The following ANKFN1 variants were observed in gnomAD, a reference collection of about 807,000 sequenced individuals.
ANKFN1 encodes ankyrin repeat and fibronectin type-III domain-containing protein 1.
A neutral mutation model predicts 108.7 loss-of-function variants in ANKFN1; 74 were observed. The observed-to-expected ratio is 0.68, with a 90% CI of 0.56 to 0.83. ANKFN1 has a LOEUF of 0.83. Ranked by LOEUF, ANKFN1 falls within the 40% of genes least tolerant of loss-of-function variation. ANKFN1 has a pLI of 0.00. For synonymous variants in ANKFN1, 547 were observed against 516.2 expected, an observed-to-expected ratio of 1.06 and a Z score of -0.81; for missense variants, 1,505 against 1,382.3, an observed-to-expected ratio of 1.09 and a Z score of -1.41.
intron 4 of ANKFN1, among the ~76,000 whole-genome samples, chr17:56,349,559 T>C (rs1282055768): frequency 6.6e-6 from 1 of 152,096 alleles, no homozygotes; most frequent in Non-Finnish European, 1.5e-5. Flanking sequence ...TTAAATATAA[T>C]AGACTCTCAT....
At chr17:56,093,297 C>T (rs1259279225) in intron 4 of ANKFN1, among the ~76,000 whole-genome samples, 1 of 151,010 alleles carries the variant, frequency 6.6e-6, no homozygotes, top group Non-Finnish European at 1.5e-5. Context: ...GGATGTGGGC[C>T]ATGGTGTCAG....
chr17:56,254,719 G>A (rs1171977894), intron 3 of ANKFN1, among the ~76,000 whole-genome samples: 1 of 152,144 alleles, frequency 6.6e-6, no homozygotes, highest in African/African-American at 2.4e-5. Context: ...GCCACTCTTG[G>A]ATGGAACTTT....
At chr17:56,169,237 C>T (rs915470283) in intron 1 of ANKFN1, among the ~76,000 whole-genome samples, 2 of 152,106 alleles carry the variant, frequency 1.3e-5, no homozygotes, top group African/African-American at 4.8e-5. Flanking sequence ...ATTTAATTTC[C>T]ATTAGAGAAC....
At chr17:56,229,697 G>C (rs1365895452) in intron 3 of ANKFN1, among the ~76,000 whole-genome samples, 1 of 148,152 alleles carries the variant, frequency 6.7e-6, no homozygotes, top group Non-Finnish European at 1.5e-5. Flanking sequence ...AAGGGGGGTT[G>C]GGGGGTGGCT....
chr17:56,233,863 T>C (rs1916917519), intron 3 of ANKFN1, among the ~76,000 whole-genome samples: 1 of 152,124 alleles, frequency 6.6e-6, no homozygotes. Flanking sequence ...TATATGTTAA[T>C]GAGTAAGACA....
chr17:56,170,803 T>TACACAC (rs1160259097), intron 1 of ANKFN1, among the ~76,000 whole-genome samples: 22 of 68,054 alleles, frequency 3.2e-4, no homozygotes, highest in East Asian at 9.9e-4. Context: ...TATATATATA[T>TACACAC]ATATACACAC....
At position 56,256,483 on chromosome 17, in the gene ANKFN1, CAGA is replaced by C. The variant is rs751649102; in HGVS notation, c.53+28536_53+28538del. Among the ~76,000 whole-genome samples the C allele has an allele frequency of 2.2e-4, 34 of 152,152 alleles. No homozygotes were observed. The East Asian group carries it at 6.0e-3, about 27-fold the overall frequency. On this transcript the variant is annotated intron_variant, in intron 3 of 20. Coordinates refer to ENST00000682825, the MANE Select transcript of ANKFN1 (RefSeq NM_001370326.1). ...GGGTTGTGAAACCTGGAGTAAAGAA[CAGA>C]AGAAGAAGAGTCTCACATTTTGAAG...
intron 4 of ANKFN1, among the ~76,000 whole-genome samples, chr17:56,125,430 C>T (rs1280469809): frequency 2.0e-5 from 3 of 152,176 alleles, no homozygotes; most frequent in Admixed American, 2.0e-4. Context: ...AAGGAGAAGA[C>T]TCCCTGAAGG....
At chr17:56,125,411 C>T (rs937708172) in intron 4 of ANKFN1, among the ~76,000 whole-genome samples, 1 of 152,028 alleles carries the variant, frequency 6.6e-6, no homozygotes, top group Non-Finnish European at 1.5e-5. Flanking sequence ...AAAAAGGAAC[C>T]TGGGAAAAAA....
intron 4 of ANKFN1, among the ~76,000 whole-genome samples, chr17:56,343,341 G>T (rs2110200): frequency 0.69 from 104,016 of 151,794 alleles, 36,084 homozygotes; most frequent in East Asian, 0.96. Context: ...AATTTCCTCT[G>T]TATTTTTGAA....
chr17:56,068,541 A>G lies in ANKFN1; in HGVS notation c.288+22216A>G, dbSNP rs551100504. 1.2e-4 allele frequency among the ~76,000 whole-genome samples: 19 copies of G among 152,300 alleles called. No homozygotes were observed. The East Asian group carries it at 3.5e-3, about 28-fold the overall frequency. On this transcript the variant is annotated intron_variant, in intron 4 of 12. Coordinates refer to the ANKFN1 transcript ENST00000635860. ...AAAGGCAAATGGCATGAGTGCCCAT[A>G]GAGCTCACCAGCCCCAGGGCACACA... is the stretch of plus-strand genomic sequence containing the variant.
At chr17:56,232,914 T>C (rs545873525) in intron 3 of ANKFN1, among the ~76,000 whole-genome samples, 1 of 152,262 alleles carries the variant, frequency 6.6e-6, no homozygotes, top group South Asian at 2.1e-4. Flanking sequence ...TAGAGTTAAT[T>C]AATAATGCCA....
At chr17:56,162,650 C>A (rs1337150958) in intron 1 of ANKFN1, among the ~76,000 whole-genome samples, 1 of 152,098 alleles carries the variant, frequency 6.6e-6, no homozygotes, top group Admixed American at 6.5e-5. Flanking sequence ...GGTGAGGGAA[C>A]AAAATTTAGG....
intron 4 of ANKFN1, among the ~76,000 whole-genome samples, chr17:56,077,528 T>G (rs1440318266): frequency 1.3e-5 from 2 of 150,764 alleles, no homozygotes; most frequent in Admixed American, 6.7e-5. Context: ...TACCTGTGTG[T>G]GATTTTTTAC....
At chr17:56,091,038 G>A (rs1248641226) in intron 4 of ANKFN1, among the ~76,000 whole-genome samples, 1 of 151,308 alleles carries the variant, frequency 6.6e-6, no homozygotes, top group East Asian at 1.9e-4. Flanking sequence ...GCATCTTCAG[G>A]GCAGAGACTG....
chr17:56,454,620 T>C (rs1452957874), intron 11 of ANKFN1, among the ~76,000 whole-genome samples: 1 of 152,188 alleles, frequency 6.6e-6, no homozygotes, highest in Admixed American at 6.5e-5. Flanking sequence ...TGGCACCACC[T>C]TTCCATTGAG....
At chr17:56,093,472 A>G (rs1905458730) in intron 4 of ANKFN1, among the ~76,000 whole-genome samples, 1 of 151,264 alleles carries the variant, frequency 6.6e-6, no homozygotes, top group Non-Finnish European at 1.5e-5. Context: ...TTGCTTATGC[A>G]CAATTTCCTT....
intron 18 of ANKFN1, among the ~76,000 whole-genome samples, chr17:56,489,963 A>C (rs1220075188): frequency 6.6e-6 from 1 of 152,212 alleles, no homozygotes; most frequent in African/African-American, 2.4e-5. Flanking sequence ...CCAAACAGGA[A>C]AATCAAGCCC....
At chr17:56,048,811 G>A (rs1369172299) in intron 4 of ANKFN1, among the ~76,000 whole-genome samples, 2 of 152,306 alleles carry the variant, frequency 1.3e-5, no homozygotes, top group South Asian at 4.1e-4. Flanking sequence ...AGATGCCTTG[G>A]GGCCTCTGTC....
Sources: allele counts gnomAD v4.1 joint callset (sites outside exome capture counted in the v4.1 genomes callset), GRCh38; gene constraint gnomAD v4.1.1; transcripts MANE v1.5; gene names NCBI Gene and HGNC (gene_info 2026-07-23, HGNC 2026-07-21).